Variants in TSHZ3 observed in about 807,000 individuals in gnomAD.
The protein encoded by TSHZ3 is teashirt homolog 3.
A neutral mutation model predicts 64.5 loss-of-function variants in TSHZ3; 10 were observed. The observed-to-expected ratio is 0.16, with a 90% confidence interval of 0.10 to 0.26. The LOEUF (loss-of-function observed/expected upper bound fraction) is 0.26. Among genes scored for constraint, TSHZ3 ranks in the 10% least tolerant of loss-of-function variants. The probability of loss-of-function intolerance (pLI) is 1.00; values close to 1 mark genes in which losing one functional copy is unlikely to be tolerated. For synonymous variants in TSHZ3, 608 were observed against 593.1 expected, an observed-to-expected ratio of 1.03 and a Z score of -0.36; for missense variants, 1,242 against 1,421.7, an observed-to-expected ratio of 0.87 and a Z score of 2.03.
intron 5 of TSHZ3, among the ~76,000 whole-genome samples, chr19:31,179,656 T>C (rs1389663172): frequency 1.3e-5 from 2 of 151,768 alleles, no homozygotes; most frequent in Non-Finnish European, 2.9e-5. Context: ...TTTGTGATGG[T>C]GGCAATGATG....
intron 1 of TSHZ3, among the ~76,000 whole-genome samples, chr19:31,249,775 C>G (rs532163869): frequency 6.6e-5 from 10 of 152,150 alleles, no homozygotes; most frequent in Non-Finnish European, 1.5e-4. Flanking sequence ...TCTGGCAGGT[C>G]CTTCATCTCC....
At chr19:31,349,561 T>G, upstream of TSHZ3, 1 of 171,508 alleles carries the variant, frequency 5.8e-6, no homozygotes, top group Non-Finnish European at 1.1e-5. Flanking sequence ...GACAAATCGC[T>G]CCAGAGGCCA....
chr19:31,215,976 A>T (rs1187119694), intron 4 of TSHZ3, among the ~76,000 whole-genome samples: 1 of 151,170 alleles, frequency 6.6e-6, no homozygotes, highest in African/African-American at 2.4e-5. Flanking sequence ...ATTATTAAAT[A>T]TTAAATATTA....
chr19:31,241,846 T>C (rs1448687780), intron 3 of TSHZ3, among the ~76,000 whole-genome samples: 6 of 152,228 alleles, frequency 3.9e-5, no homozygotes, highest in Non-Finnish European at 4.4e-5. Flanking sequence ...CCCAAATCAG[T>C]TGTCATACGT....
intron 1 of TSHZ3, among the ~76,000 whole-genome samples, chr19:31,321,434 G>A (rs187963010): frequency 6.6e-6 from 1 of 152,342 alleles, no homozygotes; most frequent in East Asian, 1.9e-4. Context: ...GTTCCCCGTT[G>A]TTTTTAACTG....
chr19:31,213,598 A>G (rs753166208), intron 4 of TSHZ3, among the ~76,000 whole-genome samples: 4 of 152,146 alleles, frequency 2.6e-5, no homozygotes, highest in Non-Finnish European at 4.4e-5. Context: ...TAGGTTCCTC[A>G]GTTGTAACAA....
intron 1 of TSHZ3, among the ~76,000 whole-genome samples, chr19:31,254,078 C>T (rs899814483): frequency 1.3e-5 from 2 of 152,106 alleles, no homozygotes; most frequent in East Asian, 1.9e-4. Flanking sequence ...ACTAATTCTG[C>T]TGCAAGGATT....
At chr19:31,243,707 AGAT>A (rs1975725976) in intron 1 of TSHZ3, among the ~76,000 whole-genome samples, 1 of 152,124 alleles carries the variant, frequency 6.6e-6, no homozygotes, top group African/African-American at 2.4e-5. Flanking sequence ...AGGGTTGTTC[AGAT>A]GATATGGGGG....
chr19:31,185,298 A>T (rs1433825637), intron 5 of TSHZ3, among the ~76,000 whole-genome samples: 2 of 152,184 alleles, frequency 1.3e-5, no homozygotes, highest in African/African-American at 4.8e-5. Context: ...GAAGGCAATA[A>T]GCAAAGGCAA....
chr19:31,269,874 A>G (rs1316264269), intron 1 of TSHZ3, among the ~76,000 whole-genome samples: 1 of 152,230 alleles, frequency 6.6e-6, no homozygotes, highest in African/African-American at 2.4e-5. Flanking sequence ...TGGGGTCTGC[A>G]GTGGTGCCTG....
At chr19:31,302,188 C>CAG (rs1336814096) in intron 1 of TSHZ3, among the ~76,000 whole-genome samples, 2 of 152,192 alleles carry the variant, frequency 1.3e-5, no homozygotes, top group African/African-American at 2.4e-5. Flanking sequence ...GTCTAGGGTG[C>CAG]ACAGGAGTGA....
At chr19:31,206,133 A>ATGAATGGATGGATGTG (rs1975168871) in intron 4 of TSHZ3, among the ~76,000 whole-genome samples, 1 of 150,298 alleles carries the variant, frequency 6.7e-6, no homozygotes, top group Non-Finnish European at 1.5e-5. Context: ...GGATGGATAA[A>ATGAATGGATGGATGTG]TGAATGGATG....
rs916795484 is a variant in TSHZ3, at chr19:31,186,416, A to T, written n.809+18540T>A. ...TCTCACAAGATCTGAATGGTTTTAT[A>T]AGAGGCTTTTCCCCCTTTTGCTCAG... On this transcript the variant is annotated intron_variant and non_coding_transcript_variant, in intron 5 of 6. Coordinates refer to the TSHZ3 transcript ENST00000651361. 5.9e-5 allele frequency among the ~76,000 whole-genome samples: 9 copies of T among 152,186 alleles called. No individual in the cohort carries two copies. In the East Asian group the frequency reaches 1.5e-3, roughly 26 times the overall value.
At chr19:31,189,225 G>A (rs903650373) in intron 5 of TSHZ3, among the ~76,000 whole-genome samples, 37 of 151,750 alleles carry the variant, frequency 2.4e-4, no homozygotes, top group African/African-American at 8.9e-4. Context: ...ACAACTTCTT[G>A]TTTTATTTAT....
upstream of TSHZ3, among the ~76,000 whole-genome samples, chr19:31,350,164 C>A (rs2021673061): frequency 2.0e-5 from 3 of 148,844 alleles, no homozygotes; most frequent in South Asian, 6.4e-4. Context: ...CCGGGGCTGG[C>A]GTCCCCCGGG....
At chr19:31,165,308 C>T (rs572347797) in intron 5 of TSHZ3, among the ~76,000 whole-genome samples, 1 of 152,356 alleles carries the variant, frequency 6.6e-6, no homozygotes, top group East Asian at 1.9e-4. Context: ...TTTCCCAGGT[C>T]CACAGAAGTT....
intron 5 of TSHZ3, among the ~76,000 whole-genome samples, chr19:31,198,291 ACCT>A (rs1975021559): frequency 6.6e-6 from 1 of 152,008 alleles, no homozygotes; most frequent in Non-Finnish European, 1.5e-5. Context: ...ATAGAGGGAA[ACCT>A]CATAAAGAAT....
At chr19:31,207,094 G>GA (rs1192347981) in intron 4 of TSHZ3, among the ~76,000 whole-genome samples, 1 of 152,106 alleles carries the variant, frequency 6.6e-6, no homozygotes, top group Non-Finnish European at 1.5e-5. Flanking sequence ...CATAAACCTG[G>GA]AGCAGGCGAG....
In TSHZ3 at chr19:31,179,766, G is replaced by A. The variant is rs112725613; in HGVS notation, n.810-23349C>T. Among the ~76,000 whole-genome samples, 649 of 151,652 alleles carry A rather than the reference G, an allele frequency of 4.3e-3. 4 individuals carry two copies. The highest frequency in any genetic ancestry group is 0.01 in the Middle Eastern group (3 of 294). On this transcript the variant is annotated intron_variant and non_coding_transcript_variant, in intron 5 of 6. Transcript: ENST00000651361. ...TGGTGGTGATGGTGGTGGTGATGGT[G>A]GGGGTGATGATAATGGTGGTGATGG...
Sources: gnomAD v4.1 joint callset for allele counts (sites outside exome capture counted in the v4.1 genomes callset) on GRCh38, gnomAD v4.1.1 for gene constraint, MANE v1.5 for transcripts, NCBI Gene and HGNC (gene_info 2026-07-23, HGNC 2026-07-21) for gene names.